KY: variants seen among roughly 807,000 people sequenced by gnomAD.
The protein encoded by KY is kyphoscoliosis peptidase.
Under a neutral mutation model 76.1 loss-of-function variants are expected in KY, and 43 were observed. The observed-to-expected ratio is 0.57, with a 90% CI of 0.44 to 0.73. The LOEUF (loss-of-function observed/expected upper bound fraction) is 0.73, where lower values mean the gene tolerates loss of function less well. KY is among the 30% of genes least tolerant of loss of function. The pLI is 0.00. For missense variants in KY, 722 were observed against 828.9 expected (o/e 0.87, Z 1.58); for synonymous variants, 277 against 326.2 (o/e 0.85, Z 1.63).
chr3:134,628,086 C>T lies in KY; in HGVS notation c.338-268G>A, dbSNP rs1963706461. On this transcript the variant is annotated intron_variant, in intron 4 of 10. Transcript: ENST00000423778. Reference sequence around the variant, plus strand: ...CAACTGGAGTTAGTATTTGCTCTGACCTAACACTTTGGGTGATTCATTGGG... The same window carrying T: ...CAACTGGAGTTAGTATTTGCTCTGATCTAACACTTTGGGTGATTCATTGGG... The T allele has an allele frequency of 1.2e-5, 6 of 506,728 alleles. No individual in the cohort carries two copies. In the East Asian group the frequency reaches 2.0e-4, roughly 17 times the overall value. The allele number at this position is 506,728 out of a possible 1,614,324, so 31.4% of individuals were successfully genotyped here. A position where few individuals can be genotyped will look rare whatever the true frequency, so the allele number is the denominator to read the frequency against.
intron 5 of KY, among the ~76,000 whole-genome samples, chr3:134,625,673 G>C (rs1225838373): frequency 6.6e-6 from 1 of 152,230 alleles, no homozygotes; most frequent in African/African-American, 2.4e-5. Flanking sequence ...GGTCCTGCAG[G>C]GCGAGGTGCG....
intron 3 of KY, among the ~76,000 whole-genome samples, chr3:134,637,346 C>T (rs551501682): frequency 1.3e-5 from 2 of 152,188 alleles, no homozygotes; most frequent in Non-Finnish European, 2.9e-5. Flanking sequence ...CTTTCTCCAC[C>T]TCAAACCCTC....
In KY at chr3:134,623,078, A is replaced by G. The variant is rs535227489; in HGVS notation, c.483+1975T>C. Among the ~76,000 whole-genome samples, 9 of 152,276 alleles carry G rather than the reference A, an allele frequency of 5.9e-5. No individual in the cohort carries two copies. In the East Asian group the frequency reaches 1.7e-3, roughly 29 times the overall value. ...TCTCCCAGGGCCCCGAATGGTACTC[A>G]GCATTGCAGGCCTGCACTGCAGCCT... is the stretch of plus-strand genomic sequence containing the variant. On this transcript the variant is annotated intron_variant, in intron 6 of 10. Transcript: ENST00000423778.
At chr3:134,619,315 A>G in intron 7 of KY, 50 bp from the exon 8 acceptor site, 4 of 1,390,714 alleles carry the variant, frequency 2.9e-6, no homozygotes, top group Non-Finnish European at 4.1e-6. Context: ...GGGAGGCGAG[A>G]AGACTCCACC....
At chr3:134,611,502 C>T (rs536673268) in intron 8 of KY, among the ~76,000 whole-genome samples, 2 of 152,342 alleles carry the variant, frequency 1.3e-5, no homozygotes, top group South Asian at 4.1e-4. Context: ...TGCTAGCCCT[C>T]CTAGGGCCTT....
At position 134,619,277 on chromosome 3, in the gene KY, G is replaced by A. The variant is rs1454939912; in HGVS notation, c.593-12C>T. The A allele has an allele frequency of 6.3e-7, 1 of 1,599,766 alleles. No homozygotes were observed. The highest frequency in any genetic ancestry group is 8.6e-7 in the Non-Finnish European group (1 of 1,166,886). ...TGCAATGTCATACTCTATAGGGCAG[G>A]TGAGGGGATCATGAAGAGCTTGAGC... On this transcript the variant is annotated splice_polypyrimidine_tract_variant and intron_variant, in intron 7 of 10. Coordinates refer to ENST00000423778, the MANE Select transcript of KY (RefSeq NM_178554.6).
chr3:134,628,533 C>T (rs911852350), intron 4 of KY, among the ~76,000 whole-genome samples: 1 of 152,206 alleles, frequency 6.6e-6, no homozygotes, highest in African/African-American at 2.4e-5. Context: ...ATTGCAACCA[C>T]ACATGGGTTA....
In KY at chr3:134,620,872, G is replaced by A; in HGVS notation, c.484-15C>T. On this transcript the variant is annotated splice_polypyrimidine_tract_variant and intron_variant, in intron 6 of 10. Coordinates refer to ENST00000423778, the MANE Select transcript of KY (RefSeq NM_178554.6). ...TTGGCTGTCACCTGGGGAGCAGGAA[G>A]GGTGTGCTGTATTAGGGCCTCGAGG... 1 of 1,565,784 alleles carries A rather than the reference G, an allele frequency of 6.4e-7. No individual in the cohort carries two copies. The highest frequency in any genetic ancestry group is 8.8e-7 in the Non-Finnish European group (1 of 1,140,216).
intron 1 of KY, among the ~76,000 whole-genome samples, chr3:134,648,209 C>G (rs72976212): frequency 2.0e-5 from 3 of 152,158 alleles, no homozygotes; most frequent in Non-Finnish European, 2.9e-5. Flanking sequence ...CCTTGGTGGC[C>G]GAGGAGGTTT....
chr3:134,640,481 A>G (rs1965609949), intron 3 of KY, among the ~76,000 whole-genome samples: 1 of 152,140 alleles, frequency 6.6e-6, no homozygotes, highest in African/African-American at 2.4e-5. Flanking sequence ...GGCTTAGCTT[A>G]ATATCTGGCA....
At chr3:134,611,240 G>C (rs1183048577) in intron 8 of KY, among the ~76,000 whole-genome samples, 1 of 152,226 alleles carries the variant, frequency 6.6e-6, no homozygotes, top group Non-Finnish European at 1.5e-5. Flanking sequence ...AGCTGGCACT[G>C]CTTTCTGGGA....
chr3:134,607,203 AT>A (rs1959339261), intron 10 of KY: 1 of 985,368 alleles, frequency 1.0e-6, no homozygotes, highest in African/African-American at 1.7e-5. Flanking sequence ...CAGGAAATGG[AT>A]TCTCAAATTG....
chr3:134,628,611 C>A (rs370707469), intron 4 of KY, among the ~76,000 whole-genome samples: 1 of 152,134 alleles, frequency 6.6e-6, no homozygotes, highest in African/African-American at 2.4e-5. Flanking sequence ...CATTTTTTTC[C>A]CACCTACCTT....
At chr3:134,636,787 C>A (rs1240443225) in intron 3 of KY, among the ~76,000 whole-genome samples, 3 of 152,082 alleles carry the variant, frequency 2.0e-5, no homozygotes, top group Non-Finnish European at 4.4e-5. Flanking sequence ...TTTTATCAAC[C>A]CTTTAAATTT....
Position 134,603,840 on chromosome 3 carries a change from C to A in KY, c.1725G>T (p.Trp575Cys), listed in dbSNP as rs1467451999. ...WPMFPESFGNWGQDNELLEPL... is the reference protein window; with the variant it reads ...WPMFPESFGNCGQDNELLEPL... ...GTTCCAGCAGCTCATTGTCCTGTCC[C>A]CAGTTGCCAAAGCTCTCAGGGAACA... is the stretch of plus-strand genomic sequence containing the variant. Residue 575 changes from tryptophan to cysteine, a missense_variant, in exon 11 of 11, where the codon TGG becomes TGT. By Grantham distance (215) the Trp-to-Cys change is radical (BLOSUM62 -2). Transcript: ENST00000423778. 6.2e-7 allele frequency: 1 copy of A among 1,613,998 alleles called. No individual in the cohort carries two copies. The highest frequency in any genetic ancestry group is 8.5e-7 in the Non-Finnish European group (1 of 1,179,884).
chr3:134,614,902 C>T (rs1961240444), intron 8 of KY, among the ~76,000 whole-genome samples: 2 of 152,136 alleles, frequency 1.3e-5, no homozygotes, highest in African/African-American at 4.8e-5. Flanking sequence ...ATCACCTCTC[C>T]TAGGATGTGT....
chr3:134,644,207 G>T (rs551822318), intron 2 of KY, among the ~76,000 whole-genome samples: 1 of 152,282 alleles, frequency 6.6e-6, no homozygotes, highest in South Asian at 2.1e-4. Flanking sequence ...TGTGTAGTTT[G>T]GTTCTGTTTC....
rs577842361 is a variant in KY, at chr3:134,626,225, C to T, written c.401-1090G>A. The stretch of plus-strand genomic sequence containing the variant: ...ACCCACCCACCTTCAGCCTCCATGT[C>T]GGGAGCCTCTGGGTGCTGGGCAAGT... On this transcript the variant is annotated intron_variant, in intron 5 of 10. Transcript: ENST00000423778. 7.5e-4 allele frequency among the ~76,000 whole-genome samples: 114 copies of T among 152,336 alleles called. 1 individual carries two copies. Among genetic ancestry groups the T allele is most frequent in the African/African-American group, 2.4e-3 (100 of 41,568 alleles).
intron 8 of KY, among the ~76,000 whole-genome samples, chr3:134,610,868 C>T (rs973985136): frequency 1.4e-4 from 22 of 152,194 alleles, no homozygotes; most frequent in African/African-American, 4.8e-4. Context: ...AGATGGGTCT[C>T]GTGACATGGG....
Sources: gnomAD v4.1 joint callset for allele counts (sites outside exome capture counted in the v4.1 genomes callset) on GRCh38, gnomAD v4.1.1 for gene constraint, MANE v1.5 for transcripts, NCBI Gene and HGNC (gene_info 2026-07-23, HGNC 2026-07-21) for gene names.